Variants in PPP4R1 observed in about 807,000 individuals in gnomAD.
PPP4R1 encodes the protein protein phosphatase 4 regulatory subunit 1.
In PPP4R1, 42 loss-of-function variants were observed where a neutral mutation model predicts 111.2. That is an observed-to-expected ratio of 0.38 (90% CI 0.29 to 0.49). The LOEUF (loss-of-function observed/expected upper bound fraction) is 0.49. Ranked by LOEUF, PPP4R1 falls within the 20% of genes least tolerant of loss-of-function variation. The probability of loss-of-function intolerance (pLI) is 0.97; values close to 1 mark genes in which losing one functional copy is unlikely to be tolerated. For synonymous variants in PPP4R1, 409 were observed against 405.5 expected, an observed-to-expected ratio of 1.01 and a Z score of -0.10; for missense variants, 1,012 against 1,161.6, an observed-to-expected ratio of 0.87 and a Z score of 1.87.
intron 2 of PPP4R1, among the ~76,000 whole-genome samples, chr18:9,610,937 C>T (rs988241786): frequency 7.9e-5 from 12 of 151,748 alleles, no homozygotes; most frequent in Non-Finnish European, 1.3e-4. Flanking sequence ...TTTTTTCCTC[C>T]AAAGGTTATC....
At chr18:9,550,615 A>G (rs544225620) in intron 16 of PPP4R1, 2 of 548,418 alleles carry the variant, frequency 3.6e-6, no homozygotes, top group East Asian at 6.7e-5. Context: ...TTAGAGTGTA[A>G]GGAAAACAAA....
Position 9,597,602 on chromosome 18 carries a change from T to A in PPP4R1, c.53-2449A>T, listed in dbSNP as rs544449932. On this transcript the variant is annotated intron_variant, in intron 2 of 19. Transcript: ENST00000400556. The stretch of plus-strand genomic sequence containing the variant: ...TTTATGTCTCCAACAACAAAAATTT[T>A]AAAAATTCTAAAATAAATGAGGCAA... Among the ~76,000 whole-genome samples, 5 of 152,300 alleles carry A rather than the reference T, an allele frequency of 3.3e-5. No individual in the cohort carries two copies. The South Asian group carries it at 8.3e-4, about 25-fold the overall frequency.
At chr18:9,560,976 G>C (rs2066664434) in intron 13 of PPP4R1, among the ~76,000 whole-genome samples, 1 of 152,068 alleles carries the variant, frequency 6.6e-6, no homozygotes, top group Admixed American at 6.6e-5. Flanking sequence ...ACAGCATTTT[G>C]GGAGGCTGAG....
chr18:9,578,013 A>G (rs922664864), intron 9 of PPP4R1, among the ~76,000 whole-genome samples: 2 of 152,236 alleles, frequency 1.3e-5, no homozygotes, highest in Admixed American at 6.5e-5. Flanking sequence ...AGCATATACT[A>G]TTGTTCTTGA....
Position 9,612,527 on chromosome 18 carries a change from G to A in PPP4R1, c.52+1699C>T, listed in dbSNP as rs113172068. On this transcript the variant is annotated intron_variant, in intron 2 of 19. Transcript: ENST00000400556. ...CTTCCCCTCTACACTGTGCTTCTTG[G>A]GGGCTAAGGAAGAAACTGAGACTGC... 1,410 of 152,266 alleles carry A rather than the reference G, an allele frequency of 9.3e-3. 4 individuals are homozygous for A. The highest frequency in any genetic ancestry group is 0.015 in the Non-Finnish European group (1,002 of 68,024). The allele number at this position is 152,266 out of a possible 1,614,324, so 9.4% of individuals were successfully genotyped here. A position where few individuals can be genotyped will look rare whatever the true frequency, so the allele number is the denominator to read the frequency against.
chr18:9,577,055 A>G lies in PPP4R1; in HGVS notation c.1046+9T>C, dbSNP rs1439480008. On this transcript the variant is annotated intron_variant, in intron 10 of 19. Coordinates refer to ENST00000400556, the MANE Select transcript of PPP4R1 (RefSeq NM_001042388.3). Reference sequence around the variant, plus strand: ...GTTTTAAAATTAGAAAATGGTTTCAAAATTATACCTATTTTTGTTTTCTAC... The same window carrying G: ...GTTTTAAAATTAGAAAATGGTTTCAGAATTATACCTATTTTTGTTTTCTAC... The G allele has an allele frequency of 1.3e-6, 2 of 1,529,108 alleles. No individual in the cohort carries two copies. The highest frequency in any genetic ancestry group is 2.3e-5 in the East Asian group (1 of 43,384). 94.7% of individuals were successfully genotyped at this position (1,529,108 alleles called of 1,614,324 possible).
In PPP4R1 at chr18:9,595,218, T is replaced by C. The variant is rs140824779; in HGVS notation, c.53-65A>G. On this transcript the variant is annotated intron_variant, in intron 2 of 19. Coordinates refer to ENST00000400556, the MANE Select transcript of PPP4R1 (RefSeq NM_001042388.3). ...AACTAAAATGTACCCCTTGCCTGTC[T>C]GAAGCAGTACAAATCTGTTTCTGGA... is the stretch of plus-strand genomic sequence containing the variant. 486 of 1,518,958 alleles carry C rather than the reference T, an allele frequency of 3.2e-4. 3 individuals are homozygous for C. The African/African-American group carries it at 6.1e-3, about 19-fold the overall frequency. The allele number at this position is 1,518,958 out of a possible 1,614,324, so 94.1% of individuals were successfully genotyped here. A position where few individuals can be genotyped will look rare whatever the true frequency, so the allele number is the denominator to read the frequency against.
chr18:9,584,247 ATAAG>A (rs774449837), intron 8 of PPP4R1, among the ~76,000 whole-genome samples: 7 of 152,364 alleles, frequency 4.6e-5, no homozygotes, highest in South Asian at 2.1e-4. Context: ...GTTCAATTGA[ATAAG>A]TAAGAATTGA....
chr18:9,548,409 CG>C (rs34715958), intron 19 of PPP4R1, among the ~76,000 whole-genome samples: 2 of 151,616 alleles, frequency 1.3e-5, no homozygotes, highest in African/African-American at 4.8e-5. Context: ...CGGCAGGCGG[CG>C]GGGGGGTCGA....
intron 2 of PPP4R1, among the ~76,000 whole-genome samples, chr18:9,611,163 G>A (rs929484362): frequency 6.6e-6 from 1 of 152,244 alleles, no homozygotes; most frequent in African/African-American, 2.4e-5. Context: ...CATTTAGGAA[G>A]GTCAACCAAG....
chr18:9,569,944 C>T (rs2066832360), intron 11 of PPP4R1, among the ~76,000 whole-genome samples: 1 of 151,946 alleles, frequency 6.6e-6, no homozygotes, highest in South Asian at 2.1e-4. Context: ...GAGATGGGGT[C>T]TTACTATGTT....
chr18:9,557,161 A>G, intron 15 of PPP4R1, 60 bp downstream of exon 15: 1 of 1,445,282 alleles, frequency 6.9e-7, no homozygotes, highest in Non-Finnish European at 9.3e-7. Flanking sequence ...AGCAGAAGAT[A>G]AAGATTTAGA....
intron 15 of PPP4R1, among the ~76,000 whole-genome samples, chr18:9,554,613 G>A (rs774267954): frequency 1.3e-5 from 2 of 151,040 alleles, no homozygotes; most frequent in Non-Finnish European, 2.9e-5. Context: ...ACACCTCCTA[G>A]CTACTATCTC....
intron 9 of PPP4R1, among the ~76,000 whole-genome samples, chr18:9,580,735 C>T (rs191369517): frequency 5.1e-4 from 78 of 152,298 alleles, no homozygotes; most frequent in African/African-American, 1.6e-3. Context: ...TCTGCTCTCC[C>T]GCAGCTCCCG....
At chr18:9,548,409 C>G (rs924365182) in intron 19 of PPP4R1, among the ~76,000 whole-genome samples, 1 of 151,618 alleles carries the variant, frequency 6.6e-6, no homozygotes, top group African/African-American at 2.4e-5. Context: ...CGGCAGGCGG[C>G]GGGGGGGTCG....
At chr18:9,581,978 G>GAC (rs1241008109) in intron 9 of PPP4R1, among the ~76,000 whole-genome samples, 1 of 151,980 alleles carries the variant, frequency 6.6e-6, no homozygotes, top group Non-Finnish European at 1.5e-5. Context: ...GTGAAATAAG[G>GAC]ACATTCACAG....
At chr18:9,582,706 G>A (rs976239652) in intron 9 of PPP4R1, among the ~76,000 whole-genome samples, 1 of 152,066 alleles carries the variant, frequency 6.6e-6, no homozygotes, top group African/African-American at 2.4e-5. Flanking sequence ...CAACAAACCA[G>A]ACAAAGGCAC....
At chr18:9,587,350 T>C (rs1456056323) in intron 6 of PPP4R1, 1 of 152,106 alleles carries the variant, frequency 6.6e-6, no homozygotes, top group East Asian at 1.9e-4. Flanking sequence ...TAATGATTTG[T>C]GGCAACTTTA....
chr18:9,614,306 G>A lies in PPP4R1; in HGVS notation c.8-36C>T. The A allele has an allele frequency of 1.7e-6, 2 of 1,200,646 alleles. No individual in the cohort carries two copies. Among genetic ancestry groups the A allele is most frequent in the South Asian group, 2.9e-5 (1 of 34,512 alleles). The allele number at this position is 1,200,646 out of a possible 1,614,324, so 74.4% of individuals were successfully genotyped here. On this transcript the variant is annotated intron_variant, in intron 1 of 19. Coordinates refer to ENST00000400556, the MANE Select transcript of PPP4R1 (RefSeq NM_001042388.3). The surrounding 1 kb of genome is among the most constrained non-coding windows in gnomAD (Gnocchi z 4.1). ...GGGAGAGAAGAAAGGCCCGGTCAGC[G>A]CCCCGGGGCCCGGCGCGACGCCCCC... is the stretch of plus-strand genomic sequence containing the variant.
Sources: gnomAD v4.1 joint callset for allele counts (sites outside exome capture counted in the v4.1 genomes callset) on GRCh38, gnomAD v4.1.1 for gene constraint, Gnocchi (gnomAD v3.1) non-coding constraint, MANE v1.5 for transcripts, NCBI Gene and HGNC (gene_info 2026-07-23, HGNC 2026-07-21) for gene names.